TMOD3: variants seen among roughly 807,000 people sequenced by gnomAD.
The protein encoded by TMOD3 is tropomodulin-3.
A neutral mutation model predicts 39.2 loss-of-function variants in TMOD3; 20 were observed. That is an observed-to-expected ratio of 0.51 (90% CI 0.36 to 0.74). The LOEUF is 0.74. Among genes scored for constraint, TMOD3 ranks in the 30% least tolerant of loss-of-function variants. The probability of loss-of-function intolerance (pLI) is 0.00; values close to 1 mark genes in which losing one functional copy is unlikely to be tolerated. For synonymous variants in TMOD3, 143 were observed against 145.8 expected, an observed-to-expected ratio of 0.98 and a Z score of 0.14; for missense variants, 381 against 412.8, an observed-to-expected ratio of 0.92 and a Z score of 0.67.
At chr15:51,907,255 A>G (rs1440170394) in intron 9 of TMOD3, 3 of 152,208 alleles carry the variant, frequency 2.0e-5, no homozygotes, top group South Asian at 2.1e-4. Flanking sequence ...GAAGATGAGC[A>G]TGGCCCCTTG....
chr15:51,859,460 A>T (rs568834943), intron 1 of TMOD3: 1 of 658,448 alleles, frequency 1.5e-6, no homozygotes, highest in East Asian at 3.6e-5. Flanking sequence ...AGTCAACTGA[A>T]AATGGATGGC....
At position 51,909,696 on chromosome 15, in the gene TMOD3, G is replaced by C. The variant is rs2056700443; in HGVS notation, c.*886G>C. 1.3e-5 allele frequency: 2 copies of C among 152,052 alleles called. 1 individual carries two copies. Among genetic ancestry groups the C allele is most frequent in the South Asian group, 4.1e-4 (2 of 4,828 alleles). The allele number at this position is 152,052 out of a possible 1,614,324, so 9.4% of individuals were successfully genotyped here. On this transcript the variant is annotated 3_prime_UTR_variant, in exon 10 of 10. Transcript: ENST00000308580. The stretch of plus-strand genomic sequence containing the variant: ...GAAATCAAAGATAATAAATATGATA[G>C]ATTTCCAGTATGAGGCACTTGCAAA...
At chr15:51,844,252 G>C (rs976361862) in intron 1 of TMOD3, among the ~76,000 whole-genome samples, 2 of 152,120 alleles carry the variant, frequency 1.3e-5, no homozygotes, top group Non-Finnish European at 1.5e-5. Context: ...ATTTTTAAAA[G>C]TTGATTGTTT....
At chr15:51,871,500 GA>G (rs940914404) in intron 3 of TMOD3, among the ~76,000 whole-genome samples, 5 of 152,064 alleles carry the variant, frequency 3.3e-5, no homozygotes, top group African/African-American at 4.8e-5. Context: ...AGAGATGTCA[GA>G]AAAAAACTAT....
chr15:51,895,065 A>AT (rs1252755412), intron 6 of TMOD3, among the ~76,000 whole-genome samples: 2 of 152,022 alleles, frequency 1.3e-5, no homozygotes, highest in Non-Finnish European at 2.9e-5. Context: ...TTAAAACTTG[A>AT]TTTTTTTGAA....
chr15:51,915,694 G>A lies in TMOD3; in HGVS notation c.*6884G>A, dbSNP rs893972694. ...TTACCAATATATACTGGGATAAATC[G>A]TTTCAATAAAGTTTATCAAATATTC... On this transcript the variant is annotated 3_prime_UTR_variant, in exon 10 of 10. Transcript: ENST00000308580. The A allele has an allele frequency of 1.3e-5, 2 of 152,088 alleles. No homozygotes were observed. The highest frequency in any genetic ancestry group is 4.8e-5 in the African/African-American group (2 of 41,398). 9.4% of individuals were successfully genotyped at this position (152,088 alleles called of 1,614,324 possible).
chr15:51,852,341 C>T (rs1030370459), intron 1 of TMOD3, among the ~76,000 whole-genome samples: 2 of 151,702 alleles, frequency 1.3e-5, no homozygotes, highest in Admixed American at 6.6e-5. Flanking sequence ...TTAAGCCTAG[C>T]GCAACTGAAG....
chr15:51,862,751 A>C, intron 1 of TMOD3, 60 bp from the exon 2 acceptor site: 1 of 719,356 alleles, frequency 1.4e-6, no homozygotes, highest in Non-Finnish European at 2.1e-6. Context: ...CCTGAGAATT[A>C]GATCTAAGTA....
chr15:51,833,112 G>A (rs2056264417), intron 1 of TMOD3: 1 of 152,102 alleles, frequency 6.6e-6, no homozygotes, highest in African/African-American at 2.4e-5. Context: ...GCCTATAACT[G>A]GTCCATTAAG....
chr15:51,856,194 C>G (rs1196969606), intron 1 of TMOD3, among the ~76,000 whole-genome samples: 1 of 152,172 alleles, frequency 6.6e-6, no homozygotes, highest in Non-Finnish European at 1.5e-5. Context: ...GCCCAGGAAG[C>G]AGAGGCTGCA....
At chr15:51,887,403 T>C (rs188756802) in intron 3 of TMOD3, among the ~76,000 whole-genome samples, 186 bp from the exon 4 acceptor site, 1 of 152,282 alleles carries the variant, frequency 6.6e-6, no homozygotes, top group Admixed American at 6.5e-5. Flanking sequence ...TGACCTTTTC[T>C]TTCCAACTTT....
Position 51,889,055 on chromosome 15 carries a change from G to A in TMOD3, c.407-1G>A. On this transcript the variant is annotated splice_acceptor_variant, in intron 4 of 9. Transcript: ENST00000308580. LOFTEE classifies it high-confidence loss of function. ...AAAACTTTCTTTTTCTGTATTTATA[G>A]CAATTCTTGGGATGCACAATTTGAT... 5.1e-6 allele frequency: 8 copies of A among 1,565,198 alleles called. No individual in the cohort carries two copies. Among genetic ancestry groups the A allele is most frequent in the Non-Finnish European group, 6.9e-6 (8 of 1,157,820 alleles).
intron 1 of TMOD3, among the ~76,000 whole-genome samples, chr15:51,831,069 T>C (rs1464977378): frequency 6.6e-6 from 1 of 152,226 alleles, no homozygotes; most frequent in African/African-American, 2.4e-5. Context: ...ATTCTGCCCC[T>C]AAATATCTCT....
intron 3 of TMOD3, among the ~76,000 whole-genome samples, chr15:51,870,024 C>T (rs754622068): frequency 3.3e-5 from 5 of 152,044 alleles, no homozygotes; most frequent in South Asian, 2.1e-4. Context: ...CTGCAACCTC[C>T]GCCTCCCGGG....
chr15:51,908,165 T>C (rs549741793), intron 9 of TMOD3, among the ~76,000 whole-genome samples: 5 of 152,352 alleles, frequency 3.3e-5, no homozygotes, highest in African/African-American at 9.6e-5. Flanking sequence ...CAGGAGAGCA[T>C]GCAAATAGTT....
chr15:51,905,748 G>C (rs1178719740), intron 9 of TMOD3, among the ~76,000 whole-genome samples: 1 of 152,016 alleles, frequency 6.6e-6, no homozygotes, highest in African/African-American at 2.4e-5. Flanking sequence ...AGTGGAGTGT[G>C]TTTTGGTAAC....
intron 1 of TMOD3, among the ~76,000 whole-genome samples, chr15:51,846,421 C>T (rs1426244563): frequency 3.3e-5 from 5 of 152,198 alleles, no homozygotes; most frequent in Non-Finnish European, 5.9e-5. Context: ...TTGTTCACTG[C>T]GTAACATTCA....
rs557275855 is a variant in TMOD3 at position 51,877,562 on chromosome 15, C to T, written c.283+8189C>T. 3.9e-5 allele frequency among the ~76,000 whole-genome samples: 6 copies of T among 152,128 alleles called. 1 individual carries two copies. The South Asian group carries it at 1.2e-3, about 32-fold the overall frequency. On this transcript the variant is annotated intron_variant, in intron 3 of 9. Transcript: ENST00000308580. ...GGGTGTGGTGGCGGGCGCCTGTAATCCCAGCTACTAGGGAGGCTGAGACAG... is the reference window on the plus strand; with the variant it reads ...GGGTGTGGTGGCGGGCGCCTGTAATTCCAGCTACTAGGGAGGCTGAGACAG...
At chr15:51,868,216 G>A (rs971594908) in intron 2 of TMOD3, among the ~76,000 whole-genome samples, 2 of 152,078 alleles carry the variant, frequency 1.3e-5, no homozygotes, top group Non-Finnish European at 2.9e-5. Context: ...GGAATATAAT[G>A]TACAGAGTCA....
Sources: allele counts gnomAD v4.1 joint callset (sites outside exome capture counted in the v4.1 genomes callset), GRCh38; gene constraint gnomAD v4.1.1; transcripts MANE v1.5; gene names NCBI Gene and HGNC (gene_info 2026-07-23, HGNC 2026-07-21).